NRG3: variants seen among roughly 807,000 people sequenced by gnomAD.
NRG3 encodes the protein neuregulin 3.
A neutral mutation model predicts 66.9 loss-of-function variants in NRG3; 31 were observed. The ratio of observed to expected loss-of-function variants is 0.46; its 90% CI spans 0.35 to 0.63. The LOEUF (loss-of-function observed/expected upper bound fraction) is 0.63, where lower values mean the gene tolerates loss of function less well. Ranked by LOEUF, NRG3 falls within the 20% of genes least tolerant of loss-of-function variation. The pLI, the probability that NRG3 is intolerant of heterozygous loss-of-function variation, is 0.00. For synonymous variants in NRG3, 393 were observed against 359.4 expected (o/e 1.09, Z -1.06); for missense variants, 910 against 878.9 (o/e 1.04, Z -0.45).
intron 4 of NRG3, among the ~76,000 whole-genome samples, chr10:82,940,783 A>G (rs191190162): frequency 7.2e-5 from 11 of 152,086 alleles, no homozygotes; most frequent in Admixed American, 1.3e-4. Flanking sequence ...CAGTAATCCT[A>G]TCTGTGAGGG....
intron 2 of NRG3, among the ~76,000 whole-genome samples, chr10:82,497,237 A>G (rs148312668): frequency 1.6e-4 from 24 of 152,354 alleles, no homozygotes; most frequent in Admixed American, 5.9e-4. Flanking sequence ...AATCCATAAT[A>G]GGCAAAATAA....
chr10:82,359,401 C>T (rs1026551007), intron 2 of NRG3, among the ~76,000 whole-genome samples: 1 of 152,170 alleles, frequency 6.6e-6, no homozygotes, highest in African/African-American at 2.4e-5. Context: ...ATGAAACACT[C>T]TCCAGCAAGA....
chr10:82,247,745 C>T (rs2077307302), intron 1 of NRG3, among the ~76,000 whole-genome samples: 1 of 152,086 alleles, frequency 6.6e-6, no homozygotes, highest in Non-Finnish European at 1.5e-5. Flanking sequence ...TGAATGTACC[C>T]CTCTAGGGTA....
At chr10:82,232,992 C>A in intron 1 of NRG3, 1 of 594,778 alleles carries the variant, frequency 1.7e-6, no homozygotes, top group South Asian at 2.2e-5. Context: ...ATATTGTTTC[C>A]AGGGTATGTG....
chr10:82,534,984 G>A (rs1472486748), intron 2 of NRG3, among the ~76,000 whole-genome samples: 1 of 151,520 alleles, frequency 6.6e-6, no homozygotes, highest in Admixed American at 6.6e-5. Flanking sequence ...CCAACATGCT[G>A]AAACCCTGTC....
chr10:82,898,857 G>A (rs1419067426), intron 4 of NRG3, among the ~76,000 whole-genome samples: 1 of 151,502 alleles, frequency 6.6e-6, no homozygotes, highest in East Asian at 2.0e-4. Flanking sequence ...TAGTAGTTGG[G>A]ACTGCAGGCA....
intron 3 of NRG3, among the ~76,000 whole-genome samples, chr10:82,836,259 A>AT (rs2062769439): frequency 6.6e-6 from 1 of 152,090 alleles, no homozygotes; most frequent in African/African-American, 2.4e-5. Context: ...CTGGCCTTTT[A>AT]TAAAAAAAAA....
intron 1 of NRG3, among the ~76,000 whole-genome samples, chr10:81,963,517 G>A (rs2059610223): frequency 6.6e-6 from 1 of 152,110 alleles, no homozygotes; most frequent in African/African-American, 2.4e-5. Flanking sequence ...TGAATTTAAC[G>A]ATTACACCTA....
At chr10:82,182,342 T>A (rs187145983) in intron 1 of NRG3, among the ~76,000 whole-genome samples, 38 of 151,848 alleles carry the variant, frequency 2.5e-4, no homozygotes, top group Admixed American at 1.1e-3. Context: ...TTTTGATATC[T>A]TCCTTTATGT....
rs188522464 is a variant in NRG3 at position 82,553,341 on chromosome 10, A to G, written c.954-185236A>G. The stretch of plus-strand genomic sequence containing the variant: ...TAGTGAGAACCGCACCCCCCACACA[A>G]TCACCACTTCATGTTTTCTAAGATG... On this transcript the variant is annotated intron_variant, in intron 2 of 8. Coordinates refer to ENST00000372141, the MANE Select transcript of NRG3 (RefSeq NM_001010848.4). Among the ~76,000 whole-genome samples, 76 of 152,090 alleles carry G rather than the reference A, an allele frequency of 5.0e-4. 1 individual carries two copies. Among genetic ancestry groups the G allele is most frequent in the Non-Finnish European group, 6.0e-4 (41 of 67,980 alleles).
At chr10:82,934,403 C>T (rs1384282719) in intron 4 of NRG3, among the ~76,000 whole-genome samples, 2 of 152,206 alleles carry the variant, frequency 1.3e-5, no homozygotes, top group African/African-American at 4.8e-5. Context: ...CTCCAATCAC[C>T]TTGTGGGTCA....
intron 3 of NRG3, among the ~76,000 whole-genome samples, chr10:82,761,862 T>A (rs1359332002): frequency 6.6e-6 from 1 of 151,502 alleles, no homozygotes; most frequent in Non-Finnish European, 1.5e-5. Context: ...TATTTTTTTC[T>A]TTTTCCTTTT....
At chr10:82,830,555 C>G (rs754798574) in intron 3 of NRG3, among the ~76,000 whole-genome samples, 1 of 152,112 alleles carries the variant, frequency 6.6e-6, no homozygotes, top group Non-Finnish European at 1.5e-5. Flanking sequence ...TAAGACTATA[C>G]ATGTTCAATG....
intron 2 of NRG3, among the ~76,000 whole-genome samples, chr10:82,398,520 T>TGA (rs1241113136): frequency 2.2e-4 from 28 of 125,560 alleles, no homozygotes; most frequent in East Asian, 8.1e-4. Context: ...TGTGTGTGTG[T>TGA]GTGTGTGAGA....
At position 82,652,659 on chromosome 10, in the gene NRG3, T is replaced by G. The variant is rs531468794; in HGVS notation, c.954-85918T>G. On this transcript the variant is annotated intron_variant, in intron 2 of 8. Transcript: ENST00000372141. ...ATGGGTGGTTTTGGAAAAGGCAACATTCAAGCAGGAAAACAGGGATGTCAG... is the reference window on the plus strand; with the variant it reads ...ATGGGTGGTTTTGGAAAAGGCAACAGTCAAGCAGGAAAACAGGGATGTCAG... 7.2e-5 allele frequency among the ~76,000 whole-genome samples: 11 copies of G among 152,246 alleles called. No homozygotes were observed. The South Asian group carries it at 2.3e-3, about 32-fold the overall frequency.
chr10:82,075,766 C>T (rs1013308940), intron 1 of NRG3, among the ~76,000 whole-genome samples: 4 of 151,702 alleles, frequency 2.6e-5, no homozygotes, highest in African/African-American at 4.8e-5. Context: ...TAAAGTGGCC[C>T]TAGTCCAGCA....
rs577912877 is a variant in NRG3 at position 82,295,737 on chromosome 10, C to A, written c.824-63002C>A. On this transcript the variant is annotated intron_variant, in intron 1 of 8. Transcript: ENST00000372141. The stretch of plus-strand genomic sequence containing the variant: ...ACCTCTGGCTTTAATGCTAAGTATT[C>A]TAGCCTAATATTTATACTATGTATA... Among the ~76,000 whole-genome samples the A allele has an allele frequency of 1.8e-4, 27 of 152,244 alleles. No homozygotes were observed. The East Asian group carries it at 1.9e-3, about 11-fold the overall frequency.
At chr10:82,311,212 T>A (rs1244001039) in intron 1 of NRG3, among the ~76,000 whole-genome samples, 1 of 152,230 alleles carries the variant, frequency 6.6e-6, no homozygotes, top group Non-Finnish European at 1.5e-5. Context: ...AAAGAGGAAG[T>A]GCGGTCATCT....
At position 82,006,222 on chromosome 10, in the gene NRG3, G is replaced by T. The variant is rs116570930; in HGVS notation, c.823+130059G>T. ...TTAGTGAGATTATTAGTGAGACAAA[G>T]AGATCTTTGACATATTTATTGGCCA... On this transcript the variant is annotated intron_variant, in intron 1 of 8. Coordinates refer to ENST00000372141, the MANE Select transcript of NRG3 (RefSeq NM_001010848.4). 4.6e-3 allele frequency among the ~76,000 whole-genome samples: 700 copies of T among 152,136 alleles called. 4 individuals carry two copies. The highest frequency in any genetic ancestry group is 0.014 in the African/African-American group (584 of 41,526).
Sources: gnomAD v4.1 joint callset for allele counts (sites outside exome capture counted in the v4.1 genomes callset) on GRCh38, gnomAD v4.1.1 for gene constraint, MANE v1.5 for transcripts, NCBI Gene and HGNC (gene_info 2026-07-23, HGNC 2026-07-21) for gene names.